Variants in MRTFB observed in about 807,000 individuals in gnomAD.
The protein encoded by MRTFB is myocardin-related transcription factor B.
Under a neutral mutation model 104.2 loss-of-function variants are expected in MRTFB, and 29 were observed. That is an observed-to-expected ratio of 0.28 (90% CI 0.21 to 0.38). MRTFB has a LOEUF of 0.38. Ranked by LOEUF, MRTFB falls within the 10% of genes least tolerant of loss-of-function variation. MRTFB has a pLI of 1.00. For synonymous variants in MRTFB, 535 were observed against 519.5 expected, an observed-to-expected ratio of 1.03 and a Z score of -0.41; for missense variants, 1,270 against 1,341.6, an observed-to-expected ratio of 0.95 and a Z score of 0.83.
At chr16:14,036,217 T>C in the MRTFB span, among the ~76,000 whole-genome samples, 2 of 126,268 alleles carry the variant, frequency 1.6e-5, no homozygotes, top group Admixed American at 2.0e-4. Flanking sequence ...TTATATAAAA[T>C]ATATATAATA....
chr16:14,246,373 G>A (rs1487159233), intron 11 of MRTFB, 100 bp from the exon 12 acceptor site: 8 of 1,164,316 alleles, frequency 6.9e-6, no homozygotes, highest in Admixed American at 4.6e-5. Flanking sequence ...GTAACGCAGA[G>A]TTGTCTGACA....
At chr16:14,200,378 G>A (rs979772594) in intron 3 of MRTFB, 1 of 1,607,858 alleles carries the variant, frequency 6.2e-7, no homozygotes, top group Non-Finnish European at 8.5e-7. Context: ...GGATAGTAAT[G>A]ATGACACTAA....
chr16:14,240,395 C>CCAG lies in MRTFB; in HGVS notation c.1001_1003dup (p.Gln334dup). On this transcript the variant is annotated inframe_insertion, in exon 10 of 17. Coordinates refer to ENST00000571589, the MANE Select transcript of MRTFB (RefSeq NM_001308142.2). Reference sequence around the variant, plus strand: ...TGGACTCTAACTACGCCCGCCTGCTCCAGCAGCAGCAGCTGTTCCTGCAAC... The same window carrying CCAG: ...TGGACTCTAACTACGCCCGCCTGCTCCAGCAGCAGCAGCAGCTGTTCCTGCAAC... The CCAG allele has an allele frequency of 1.2e-6, 2 of 1,614,170 alleles. No homozygotes were observed. The highest frequency in any genetic ancestry group is 1.7e-6 in the Non-Finnish European group (2 of 1,180,018).
At position 14,155,708 on chromosome 16, in the gene MRTFB, A is replaced by C. The variant is rs116219769; in HGVS notation, c.154+14948A>C. On this transcript the variant is annotated intron_variant, in intron 3 of 16. Transcript: ENST00000571589. Reference sequence around the variant, plus strand: ...AGGTATCTCTGCTGCATGCCCTGCTAAGTGCCCCAGGGAGGACATTTCACT... The same window carrying C: ...AGGTATCTCTGCTGCATGCCCTGCTCAGTGCCCCAGGGAGGACATTTCACT... Among the ~76,000 whole-genome samples the C allele has an allele frequency of 1.9e-3, 293 of 152,236 alleles. 3 individuals carry two copies. Among genetic ancestry groups the C allele is most frequent in the African/African-American group, 6.7e-3 (278 of 41,538 alleles).
At chr16:14,104,579 G>GT (rs1264586773) in intron 2 of MRTFB, among the ~76,000 whole-genome samples, 15 of 152,268 alleles carry the variant, frequency 9.9e-5, no homozygotes, top group African/African-American at 3.1e-4. Context: ...AAGTGTTGGG[G>GT]TTTCGCTTTA....
chr16:14,099,675 T>C (rs1473632967), intron 2 of MRTFB, among the ~76,000 whole-genome samples: 7 of 151,294 alleles, frequency 4.6e-5, no homozygotes, highest in Admixed American at 2.6e-4. Context: ...CTTTTCTTTT[T>C]TTTTTTTTTT....
intron 15 of MRTFB, among the ~76,000 whole-genome samples, chr16:14,256,680 A>G (rs1395848535): frequency 6.6e-6 from 1 of 152,274 alleles, no homozygotes; most frequent in Non-Finnish European, 1.5e-5. Flanking sequence ...AACCTGACCA[A>G]CATCCTGGCT....
chr16:14,098,229 C>T (rs2035503394), intron 2 of MRTFB, among the ~76,000 whole-genome samples: 2 of 152,184 alleles, frequency 1.3e-5, no homozygotes, highest in South Asian at 2.1e-4. Flanking sequence ...TCCAGTTGCT[C>T]TGTGTCTGGA....
intron 8 of MRTFB, among the ~76,000 whole-genome samples, chr16:14,225,660 T>G (rs1010396585): frequency 3.0e-5 from 4 of 133,578 alleles, no homozygotes; most frequent in African/African-American, 5.6e-5. Flanking sequence ...CAGAAAGCAT[T>G]CATTCATTCA....
At chr16:14,036,652 TATATACATTCCATCATATATATAGAA>T in the MRTFB span, among the ~76,000 whole-genome samples, 1 of 151,424 alleles carries the variant, frequency 6.6e-6, no homozygotes, top group African/African-American at 2.4e-5. Flanking sequence ...TATGTTGAAA[TATATACATTCCATCATATATATAGAA>T]ATATATATAT....
At chr16:14,040,069 A>G in the MRTFB span, among the ~76,000 whole-genome samples, 1 of 152,236 alleles carries the variant, frequency 6.6e-6, no homozygotes. Context: ...CTTGAGATCT[A>G]TCTGCATTGA....
Position 14,261,648 on chromosome 16 carries a change from G to T in MRTFB, c.*204G>T. On this transcript the variant is annotated 3_prime_UTR_variant, in exon 17 of 17. Transcript: ENST00000571589. ...TAGTGAATTTCTACAGTTTAACATA[G>T]CACAGGGCCTTCTGAAAATCGCACT... The T allele has an allele frequency of 2.0e-6, 1 of 509,288 alleles. No homozygotes were observed. The highest frequency in any genetic ancestry group is 3.1e-5 in the East Asian group (1 of 32,480). The allele number at this position is 509,288 out of a possible 1,614,324, so 31.5% of individuals were successfully genotyped here.
chr16:14,110,557 A>G (rs1311595273), intron 2 of MRTFB, among the ~76,000 whole-genome samples: 1 of 152,060 alleles, frequency 6.6e-6, no homozygotes, highest in Non-Finnish European at 1.5e-5. Context: ...TTAAGCTTCA[A>G]AGTGCTGTGA....
intron 3 of MRTFB, among the ~76,000 whole-genome samples, chr16:14,145,780 G>A (rs1406718576): frequency 2.6e-5 from 4 of 152,190 alleles, no homozygotes; most frequent in Admixed American, 6.5e-5. Flanking sequence ...TCTTTCTCAC[G>A]ATTTGCATTC....
chr16:14,230,859 A>C (rs2151298605), intron 8 of MRTFB, among the ~76,000 whole-genome samples: 1 of 151,478 alleles, frequency 6.6e-6, no homozygotes, highest in Non-Finnish European at 1.5e-5. Context: ...CACTATTCAC[A>C]ATAGCAAAGA....
In MRTFB at chr16:14,210,355, C is replaced by A. The variant is rs143866437; in HGVS notation, c.220+47C>A. 5.4e-4 allele frequency: 793 copies of A among 1,459,270 alleles called. 2 individuals are homozygous for A. In the African/African-American group the frequency reaches 9.5e-3, roughly 17 times the overall value. The allele number at this position is 1,459,270 out of a possible 1,614,324, so 90.4% of individuals were successfully genotyped here. On this transcript the variant is annotated intron_variant, in intron 4 of 16. Coordinates refer to ENST00000571589, the MANE Select transcript of MRTFB (RefSeq NM_001308142.2). ...CCATCCCTAACGTGACAGAACATGA[C>A]GGGCGTGTCCAAGAAGAGCCTGCAT...
At chr16:14,094,094 G>A (rs930153772) in intron 2 of MRTFB, among the ~76,000 whole-genome samples, 2 of 152,126 alleles carry the variant, frequency 1.3e-5, no homozygotes, top group African/African-American at 4.8e-5. Context: ...TTTAGATGAT[G>A]GTAAACATGT....
the MRTFB span, among the ~76,000 whole-genome samples, chr16:14,027,916 C>A: frequency 6.6e-6 from 1 of 152,314 alleles, no homozygotes; most frequent in East Asian, 1.9e-4. Flanking sequence ...GTGGCTCACA[C>A]CTGTAATCCC....
intron 2 of MRTFB, among the ~76,000 whole-genome samples, chr16:14,094,977 A>G (rs557330622): frequency 4.1e-4 from 62 of 152,352 alleles, no homozygotes; most frequent in African/African-American, 1.5e-3. Context: ...TTTTAAATAT[A>G]TAAAGCCACT....
Sources: gnomAD v4.1 joint callset for allele counts (sites outside exome capture counted in the v4.1 genomes callset) on GRCh38, gnomAD v4.1.1 for gene constraint, MANE v1.5 for transcripts, NCBI Gene and HGNC (gene_info 2026-07-23, HGNC 2026-07-21) for gene names.